NTM: variants seen among roughly 807,000 people sequenced by gnomAD.
NTM encodes the protein neurotrimin.
Under a neutral mutation model 42.1 loss-of-function variants are expected in NTM, and 13 were observed. That is an observed-to-expected ratio of 0.31 (90% CI 0.20 to 0.49). The LOEUF (loss-of-function observed/expected upper bound fraction) is 0.49, where lower values mean the gene tolerates loss of function less well. NTM is among the 20% of genes least tolerant of loss of function. The pLI, the probability that NTM is intolerant of heterozygous loss-of-function variation, is 0.99. For missense variants in NTM, 373 were observed against 452.8 expected, an observed-to-expected ratio of 0.82 and a Z score of 1.60; for synonymous variants, 187 against 179.2, an observed-to-expected ratio of 1.04 and a Z score of -0.35.
intron 3 of NTM, among the ~76,000 whole-genome samples, chr11:132,208,942 G>T (rs1391808856): frequency 6.6e-6 from 1 of 152,150 alleles, no homozygotes; most frequent in African/African-American, 2.4e-5. Context: ...CAGACATTCT[G>T]CAGGCAGCCT....
At position 131,380,212 on chromosome 11, in the gene NTM, C is replaced by CT. The variant is rs34132358; in HGVS notation, c.82+9342dup. On this transcript the variant is annotated intron_variant, in intron 1 of 8. Transcript: ENST00000683400. ...AAGTTCAGTACCCTTTCCTTTGAGTCTTTTTTTTTTTTTTTTTTGAGATGG... is the reference window on the plus strand; with the variant it reads ...AAGTTCAGTACCCTTTCCTTTGAGTCTTTTTTTTTTTTTTTTTTTGAGATGG... Among the ~76,000 whole-genome samples the CT allele has an allele frequency of 9.7e-3, 1,206 of 124,620 alleles. 20 individuals are homozygous for CT. The highest frequency in any genetic ancestry group is 0.023 in the African/African-American group (697 of 30,788). 81.8% of individuals were successfully genotyped at this position (124,620 alleles called of 152,430 possible).
At chr11:131,811,987 T>G (rs2092749269) in intron 1 of NTM, among the ~76,000 whole-genome samples, 1 of 152,176 alleles carries the variant, frequency 6.6e-6, no homozygotes, top group African/African-American at 2.4e-5. Flanking sequence ...GGTATGAAAT[T>G]CAGTTGTATG....
At chr11:132,042,980 C>T (rs1225740626) in intron 2 of NTM, among the ~76,000 whole-genome samples, 1 of 152,102 alleles carries the variant, frequency 6.6e-6, no homozygotes, top group African/African-American at 2.4e-5. Flanking sequence ...GAGCTTATTA[C>T]TGTTGATTTA....
intron 1 of NTM, among the ~76,000 whole-genome samples, chr11:131,395,290 G>A (rs1944427385): frequency 6.6e-6 from 1 of 152,162 alleles, no homozygotes; most frequent in Non-Finnish European, 1.5e-5. Flanking sequence ...GAACAGAAAT[G>A]GTTCCAATAA....
At chr11:131,507,373 G>T (rs911218578) in intron 1 of NTM, among the ~76,000 whole-genome samples, 5 of 150,956 alleles carry the variant, frequency 3.3e-5, no homozygotes, top group African/African-American at 7.3e-5. Flanking sequence ...TTGTAGATAT[G>T]CGGCGTTATT....
intron 1 of NTM, among the ~76,000 whole-genome samples, chr11:131,556,647 A>G (rs905123427): frequency 6.7e-6 from 1 of 149,556 alleles, no homozygotes; most frequent in Non-Finnish European, 1.5e-5. Context: ...GGCTCATTGA[A>G]ACCTTCGCCT....
At chr11:132,179,988 G>T (rs191237656) in intron 3 of NTM, among the ~76,000 whole-genome samples, 2 of 152,066 alleles carry the variant, frequency 1.3e-5, no homozygotes. Context: ...ACTAACAATA[G>T]TAATGTTATT....
intron 2 of NTM, among the ~76,000 whole-genome samples, chr11:132,097,521 G>C (rs2061155223): frequency 6.6e-6 from 1 of 152,222 alleles, no homozygotes; most frequent in Non-Finnish European, 1.5e-5. Flanking sequence ...ATCTCTTCTA[G>C]TATTTCAAGT....
At chr11:132,024,060 C>T (rs866416230) in intron 2 of NTM, among the ~76,000 whole-genome samples, 17 of 151,818 alleles carry the variant, frequency 1.1e-4, no homozygotes, top group South Asian at 4.2e-4. Flanking sequence ...CCTCGTGATC[C>T]GCCCACCTCG....
intron 1 of NTM, among the ~76,000 whole-genome samples, chr11:131,430,079 C>A (rs1948528594): frequency 6.6e-6 from 1 of 152,162 alleles, no homozygotes. Flanking sequence ...TTGTGGAGTG[C>A]CTGTCACTGT....
Position 132,314,492 on chromosome 11 carries a change from C to A in NTM, c.783-60C>A, listed in dbSNP as rs1241193430. On this transcript the variant is annotated intron_variant, in intron 6 of 8. Coordinates refer to ENST00000683400, the MANE Select transcript of NTM (RefSeq NM_001352005.2). The stretch of plus-strand genomic sequence containing the variant: ...GACCAGGAATCCCTGGGCCTATCTT[C>A]TTCCTATGAGGACACATAACCATCT... The A allele has an allele frequency of 1.8e-5, 28 of 1,534,626 alleles. No individual in the cohort carries two copies. The Admixed American group carries it at 5.5e-4, about 30-fold the overall frequency.
At chr11:132,318,771 C>T (rs555702529) in intron 7 of NTM, among the ~76,000 whole-genome samples, 2 of 152,294 alleles carry the variant, frequency 1.3e-5, no homozygotes, top group South Asian at 4.2e-4. Context: ...GACCTCCTCT[C>T]CCCACCTCAC....
At chr11:131,441,348 G>A (rs1473379792) in intron 1 of NTM, among the ~76,000 whole-genome samples, 1 of 152,180 alleles carries the variant, frequency 6.6e-6, no homozygotes, top group Non-Finnish European at 1.5e-5. Flanking sequence ...AAGAAGAAAA[G>A]GCAGTTTGAG....
chr11:132,059,398 C>T (rs1193449749), intron 2 of NTM, among the ~76,000 whole-genome samples: 4 of 152,198 alleles, frequency 2.6e-5, no homozygotes, highest in African/African-American at 4.8e-5. Flanking sequence ...AACAGTGCTT[C>T]AGGTGTTTAC....
chr11:131,384,425 T>C (rs1264673149), intron 1 of NTM, among the ~76,000 whole-genome samples: 1 of 152,226 alleles, frequency 6.6e-6, no homozygotes, highest in Non-Finnish European at 1.5e-5. Context: ...AGGGAGATTA[T>C]ACTTAGTTGC....
At chr11:131,842,821 G>A (rs1008236031) in intron 1 of NTM, among the ~76,000 whole-genome samples, 3 of 152,004 alleles carry the variant, frequency 2.0e-5, no homozygotes, top group Non-Finnish European at 4.4e-5. Context: ...GACCAGCCTG[G>A]CCAACATGGT....
intron 2 of NTM, among the ~76,000 whole-genome samples, chr11:132,141,634 T>G (rs942603752): frequency 1.3e-5 from 2 of 152,044 alleles, no homozygotes; most frequent in African/African-American, 4.8e-5. Context: ...TTGACACAGG[T>G]GGGGCACCCT....
At position 132,012,718 on chromosome 11, in the gene NTM, A is replaced by G. The variant is rs576853607; in HGVS notation, c.167+101070A>G. On this transcript the variant is annotated intron_variant, in intron 2 of 8. Coordinates refer to ENST00000683400, the MANE Select transcript of NTM (RefSeq NM_001352005.2). ...ATTCATTTTTTAAAAAAGAGAATCT[A>G]AAAAGGTTATTTAGAACAAGCTAAA... Among the ~76,000 whole-genome samples, 4 of 152,314 alleles carry G rather than the reference A, an allele frequency of 2.6e-5. No individual in the cohort carries two copies. In the East Asian group the frequency reaches 7.7e-4, roughly 29 times the overall value.
At chr11:131,997,713 G>A (rs545916142) in intron 2 of NTM, among the ~76,000 whole-genome samples, 1 of 151,894 alleles carries the variant, frequency 6.6e-6, no homozygotes, top group Admixed American at 6.6e-5. Context: ...ACAATAATTG[G>A]AAGATGCCCT....
Sources: gnomAD v4.1 joint callset for allele counts (sites outside exome capture counted in the v4.1 genomes callset) on GRCh38, gnomAD v4.1.1 for gene constraint, MANE v1.5 for transcripts, NCBI Gene and HGNC (gene_info 2026-07-23, HGNC 2026-07-21) for gene names.